FSTL5: variants seen among roughly 807,000 people sequenced by gnomAD.
The protein encoded by FSTL5 is follistatin-related protein 5.
In FSTL5, 62 loss-of-function variants were observed where a neutral mutation model predicts 89.1. The ratio of observed to expected loss-of-function variants is 0.70; its 90% CI spans 0.57 to 0.86. The LOEUF (loss-of-function observed/expected upper bound fraction) is 0.86. FSTL5 is among the 40% of genes least tolerant of loss of function. FSTL5 has a pLI of 0.00. For synonymous variants in FSTL5, 383 were observed against 346.2 expected (o/e 1.11, Z -1.18); for missense variants, 1,057 against 1,001.6 (o/e 1.06, Z -0.75).
intron 15 of FSTL5, among the ~76,000 whole-genome samples, chr4:161,406,860 A>G (rs1457319144): frequency 6.6e-6 from 1 of 152,160 alleles, no homozygotes; most frequent in African/African-American, 2.4e-5. Context: ...GGGTGGATAG[A>G]GTGTCTAATT....
At chr4:161,735,109 T>C (rs1159229427) in intron 6 of FSTL5, among the ~76,000 whole-genome samples, 1 of 152,168 alleles carries the variant, frequency 6.6e-6, no homozygotes, top group Non-Finnish European at 1.5e-5. Flanking sequence ...TAAATCAGGG[T>C]TCCCATAACC....
chr4:161,665,513 G>C (rs1736862875), intron 6 of FSTL5, among the ~76,000 whole-genome samples: 2 of 152,148 alleles, frequency 1.3e-5, no homozygotes, highest in South Asian at 2.1e-4. Context: ...GATTACAGGC[G>C]TGAGCCACCG....
intron 15 of FSTL5, among the ~76,000 whole-genome samples, chr4:161,451,084 A>G (rs1733147055): frequency 6.6e-6 from 1 of 151,958 alleles, no homozygotes; most frequent in Non-Finnish European, 1.5e-5. Context: ...AATTTTACCT[A>G]TCTGTATATT....
At chr4:161,486,975 T>C (rs1272989636) in intron 12 of FSTL5, among the ~76,000 whole-genome samples, 1 of 152,164 alleles carries the variant, frequency 6.6e-6, no homozygotes, top group East Asian at 1.9e-4. Flanking sequence ...CAAAATACTT[T>C]GTCAAATTAT....
chr4:161,808,531 C>T (rs189279782), intron 4 of FSTL5, among the ~76,000 whole-genome samples: 2 of 151,456 alleles, frequency 1.3e-5, no homozygotes, highest in African/African-American at 4.9e-5. Flanking sequence ...AACATGAGAG[C>T]GAAAACTGTG....
chr4:161,717,718 G>C (rs1371404215), intron 6 of FSTL5, among the ~76,000 whole-genome samples: 1 of 151,898 alleles, frequency 6.6e-6, no homozygotes, highest in African/African-American at 2.4e-5. Flanking sequence ...TTATAAATGT[G>C]TTTTCATTAT....
At chr4:161,977,070 A>G (rs1481883196) in intron 3 of FSTL5, among the ~76,000 whole-genome samples, 2 of 152,194 alleles carry the variant, frequency 1.3e-5, no homozygotes, top group Non-Finnish European at 2.9e-5. Context: ...ATATTTCATG[A>G]CATGTTATTG....
chr4:161,537,914 A>T (rs1017983404), intron 10 of FSTL5, among the ~76,000 whole-genome samples: 1 of 152,222 alleles, frequency 6.6e-6, no homozygotes, highest in Non-Finnish European at 1.5e-5. Context: ...ATGGGAAGAC[A>T]GGACCTGAAA....
chr4:162,041,202 TAAAA>T (rs5863513), intron 2 of FSTL5, among the ~76,000 whole-genome samples: 7 of 97,770 alleles, frequency 7.2e-5, no homozygotes, highest in Non-Finnish European at 8.0e-5. Flanking sequence ...GATGAGATGG[TAAAA>T]AAAAAAAAAA....
chr4:161,891,862 T>C (rs141476967), intron 4 of FSTL5, among the ~76,000 whole-genome samples: 217 of 152,166 alleles, frequency 1.4e-3, no homozygotes, highest in Non-Finnish European at 2.7e-3. Flanking sequence ...AAAACAGAGA[T>C]GTGACTCTTC....
At chr4:161,951,029 A>C (rs893800245) in intron 3 of FSTL5, among the ~76,000 whole-genome samples, 3 of 152,086 alleles carry the variant, frequency 2.0e-5, no homozygotes, top group Non-Finnish European at 4.4e-5. Context: ...GAGGTAATTG[A>C]ATCACGGCGC....
intron 6 of FSTL5, among the ~76,000 whole-genome samples, chr4:161,708,297 C>G (rs746833192): frequency 1.4e-4 from 22 of 151,990 alleles, no homozygotes; most frequent in Non-Finnish European, 2.9e-5. Context: ...GCTGCCCTGT[C>G]TCACTTCTTT....
At chr4:161,607,206 CATT>C (rs1420655229) in intron 7 of FSTL5, among the ~76,000 whole-genome samples, 7 of 151,994 alleles carry the variant, frequency 4.6e-5, no homozygotes, top group African/African-American at 1.7e-4. Context: ...CCATGTTCTC[CATT>C]ATTATGAAAA....
chr4:162,001,514 G>A (rs914168844), intron 3 of FSTL5, among the ~76,000 whole-genome samples: 5 of 152,148 alleles, frequency 3.3e-5, no homozygotes, highest in Non-Finnish European at 5.9e-5. Context: ...TGTACATGAA[G>A]GGTCTGATAG....
chr4:161,436,975 C>T (rs1351166410), intron 15 of FSTL5, among the ~76,000 whole-genome samples: 1 of 152,092 alleles, frequency 6.6e-6, no homozygotes, highest in Non-Finnish European at 1.5e-5. Context: ...AATAACAATA[C>T]AATGATTGTA....
chr4:161,629,130 G>A (rs1289992092), intron 7 of FSTL5, among the ~76,000 whole-genome samples: 1 of 152,062 alleles, frequency 6.6e-6, no homozygotes, highest in African/African-American at 2.4e-5. Flanking sequence ...GGTACACACA[G>A]GCAGCAGAAC....
intron 4 of FSTL5, among the ~76,000 whole-genome samples, chr4:161,905,348 G>A (rs1224158771): frequency 6.6e-6 from 1 of 152,100 alleles, no homozygotes. Flanking sequence ...AGAAGGAACT[G>A]AACTTCTGTG....
chr4:161,615,073 T>A (rs1269763543), intron 7 of FSTL5, among the ~76,000 whole-genome samples: 1 of 151,838 alleles, frequency 6.6e-6, no homozygotes, highest in Non-Finnish European at 1.5e-5. Flanking sequence ...AGCAGGCGCA[T>A]CACAAGGTCA....
At chr4:161,824,971 A>G (rs937955969) in intron 4 of FSTL5, among the ~76,000 whole-genome samples, 11 of 152,114 alleles carry the variant, frequency 7.2e-5, no homozygotes, top group African/African-American at 2.7e-4. Context: ...GTCTGGTTCA[A>G]ATTCTCAGAG....
Sources: gnomAD v4.1 joint callset for allele counts (sites outside exome capture counted in the v4.1 genomes callset) on GRCh38, gnomAD v4.1.1 for gene constraint, MANE v1.5 for transcripts, NCBI Gene and HGNC (gene_info 2026-07-23, HGNC 2026-07-21) for gene names.